IQSEC1: variants seen among roughly 807,000 people sequenced by gnomAD.
IQSEC1 encodes the protein IQ motif and SEC7 domain-containing protein 1.
A neutral mutation model predicts 91.0 loss-of-function variants in IQSEC1; 31 were observed. The ratio of observed to expected loss-of-function variants is 0.34; its 90% CI spans 0.26 to 0.46. The LOEUF (loss-of-function observed/expected upper bound fraction) is 0.46, where lower values mean the gene tolerates loss of function less well. Ranked by LOEUF, IQSEC1 falls within the 20% of genes least tolerant of loss-of-function variation. The pLI is 1.00. For missense variants in IQSEC1, 1,388 were observed against 1,575.6 expected (o/e 0.88, Z 2.02); for synonymous variants, 699 against 662.6 (o/e 1.05, Z -0.84).
rs1202815913 is a variant in IQSEC1 at position 12,908,664 on chromosome 3, G to C, written c.2579-139C>G. The stretch of plus-strand genomic sequence containing the variant: ...GGGAAGGGTTGTTTCTGGGAAAGAG[G>C]GTGTGATGGCCACCCTGGACAAAAG... On this transcript the variant is annotated intron_variant, in intron 11 of 13. Transcript: ENST00000613206. The surrounding 1 kb of genome is among the most constrained non-coding windows in gnomAD (Gnocchi z 4.9). 1 of 913,048 alleles carries C rather than the reference G, an allele frequency of 1.1e-6. No individual in the cohort carries two copies. The highest frequency in any genetic ancestry group is 1.6e-5 in the African/African-American group (1 of 60,924). 56.6% of individuals were successfully genotyped at this position (913,048 alleles called of 1,614,324 possible).
At chr3:13,246,577 A>G (rs73813522) in intron 1 of IQSEC1, among the ~76,000 whole-genome samples, 1,980 of 152,340 alleles carry the variant, frequency 0.013, 36 homozygotes, top group African/African-American at 0.045. Flanking sequence ...TGCAAAGGAA[A>G]TATAGCTACG....
chr3:13,108,027 A>G (rs1242893384), intron 2 of IQSEC1, among the ~76,000 whole-genome samples: 5 of 65,876 alleles, frequency 7.6e-5, no homozygotes, highest in African/African-American at 1.1e-4. Context: ...AAAAAATTAT[A>G]AAAAAGCATA....
intron 1 of IQSEC1, among the ~76,000 whole-genome samples, chr3:13,201,695 C>T (rs1694249893): frequency 6.6e-6 from 1 of 152,176 alleles, no homozygotes; most frequent in Admixed American, 6.5e-5. Context: ...ACAGGCATGG[C>T]CACAACAGCC....
chr3:13,042,670 C>A lies in IQSEC1; in HGVS notation c.23+30322G>T, dbSNP rs1324711003. Reference sequence around the variant, plus strand: ...GGGTCCCTGGGACACACCAAGGCAGCTCTGGCTGTATCAAGTTGTGGGGGC... The same window carrying A: ...GGGTCCCTGGGACACACCAAGGCAGATCTGGCTGTATCAAGTTGTGGGGGC... On this transcript the variant is annotated intron_variant, in intron 1 of 13. Transcript: ENST00000613206. 2.0e-5 allele frequency among the ~76,000 whole-genome samples: 3 copies of A among 152,220 alleles called. No individual in the cohort carries two copies. The East Asian group carries it at 5.8e-4, about 29-fold the overall frequency.
intron 1 of IQSEC1, among the ~76,000 whole-genome samples, chr3:13,249,860 C>A (rs531666231): frequency 6.6e-6 from 1 of 152,348 alleles, no homozygotes; most frequent in South Asian, 2.1e-4. Context: ...AGGCACTCAG[C>A]CATGTGAAGA....
chr3:12,954,316 C>G (rs959039494), intron 1 of IQSEC1, among the ~76,000 whole-genome samples: 2 of 152,200 alleles, frequency 1.3e-5, no homozygotes, highest in Non-Finnish European at 2.9e-5. Context: ...AGGGCAGCCC[C>G]TAGAACCTGG....
chr3:13,273,552 T>A (rs1695623566), intron 1 of IQSEC1, among the ~76,000 whole-genome samples: 1 of 152,114 alleles, frequency 6.6e-6, no homozygotes, highest in Non-Finnish European at 1.5e-5. Context: ...TGGCGATTGT[T>A]GGGGGAAAAG....
intron 1 of IQSEC1, among the ~76,000 whole-genome samples, chr3:13,277,722 C>A (rs1219924644): frequency 6.6e-6 from 1 of 152,188 alleles, no homozygotes; most frequent in Non-Finnish European, 1.5e-5. Context: ...CATTATTGAA[C>A]CAAAACATGA....
intron 1 of IQSEC1, among the ~76,000 whole-genome samples, chr3:13,167,390 G>T (rs1693517294): frequency 6.6e-6 from 1 of 152,188 alleles, no homozygotes; most frequent in Non-Finnish European, 1.5e-5. Context: ...GGAAGCTGAG[G>T]CTCAGTTTAC....
rs1447316355 is a variant in IQSEC1 at position 13,154,460 on chromosome 3, T to TACATATATATATATACACACAC, written c.302+9643_302+9644insGTGTGTGTATATATATATATGT. Among the ~76,000 whole-genome samples the TACATATATATATATACACACAC allele has an allele frequency of 1.3e-4, 8 of 59,424 alleles. 2 individuals are homozygous for TACATATATATATATACACACAC. The South Asian group carries it at 2.9e-3, about 21-fold the overall frequency. 39.0% of individuals were successfully genotyped at this position (59,424 alleles called of 152,430 possible). ...ATGCATATATATATATATATATATA[T>TACATATATATATATACACACAC]ATATATATATATATATGCAAAAACT... On this transcript the variant is annotated intron_variant, in intron 2 of 15. Coordinates refer to the IQSEC1 transcript ENST00000648114.
intron 2 of IQSEC1, among the ~76,000 whole-genome samples, chr3:13,095,104 C>T (rs1705931798): frequency 1.3e-5 from 2 of 151,922 alleles, no homozygotes; most frequent in African/African-American, 4.8e-5. Context: ...CAATGCTCCA[C>T]AAGTCAACCA....
At chr3:13,204,670 A>T (rs1380246938) in intron 1 of IQSEC1, among the ~76,000 whole-genome samples, 1 of 152,158 alleles carries the variant, frequency 6.6e-6, no homozygotes, top group Admixed American at 6.5e-5. Flanking sequence ...AGGCGCTCAG[A>T]AGGGGCGGCT....
intron 1 of IQSEC1, among the ~76,000 whole-genome samples, chr3:13,251,208 G>C (rs535381194): frequency 6.6e-6 from 1 of 152,238 alleles, no homozygotes; most frequent in East Asian, 1.9e-4. Flanking sequence ...CTTCCTTTAG[G>C]CCATTGCTTC....
At chr3:13,251,065 TC>T (rs1225888361) in intron 1 of IQSEC1, among the ~76,000 whole-genome samples, 1 of 152,004 alleles carries the variant, frequency 6.6e-6, no homozygotes, top group Non-Finnish European at 1.5e-5. Context: ...CTCCCCCGGC[TC>T]CCCCTCAGTC....
chr3:13,091,835 T>C (rs1394406712), intron 2 of IQSEC1, among the ~76,000 whole-genome samples: 1 of 152,032 alleles, frequency 6.6e-6, no homozygotes, highest in Admixed American at 6.5e-5. Context: ...CTTCAGGGGT[T>C]TTCCTAGGAA....
At chr3:13,009,886 C>T (rs952406751) in intron 1 of IQSEC1, among the ~76,000 whole-genome samples, 1 of 152,198 alleles carries the variant, frequency 6.6e-6, no homozygotes, top group Non-Finnish European at 1.5e-5. Context: ...CCAGCCTGTC[C>T]TCCATCCAAG....
intron 2 of IQSEC1, among the ~76,000 whole-genome samples, chr3:13,086,547 C>T (rs1001150509): frequency 3.3e-5 from 5 of 152,086 alleles, no homozygotes; most frequent in South Asian, 2.1e-4. Flanking sequence ...TGCGGTGTAT[C>T]GTGGTAAATG....
chr3:13,027,207 G>T (rs1056426536), intron 1 of IQSEC1, among the ~76,000 whole-genome samples: 1 of 152,154 alleles, frequency 6.6e-6, no homozygotes, highest in African/African-American at 2.4e-5. Flanking sequence ...GAGAGCGTTG[G>T]GTCTTGGAGG....
In IQSEC1 at chr3:12,922,680, A is replaced by G. The variant is rs1246407397; in HGVS notation, c.1731-438T>C. 1.3e-5 allele frequency among the ~76,000 whole-genome samples: 2 copies of G among 152,116 alleles called. No homozygotes were observed. Among genetic ancestry groups the G allele is most frequent in the Non-Finnish European group, 2.9e-5 (2 of 68,032 alleles). ...GGGCGCCCAGGGTGTTGACTTTCAGAATAAGCCTGTTCTCTTGTGGGGAGA... is the reference window on the plus strand; with the variant it reads ...GGGCGCCCAGGGTGTTGACTTTCAGGATAAGCCTGTTCTCTTGTGGGGAGA... On this transcript the variant is annotated intron_variant, in intron 4 of 13. Transcript: ENST00000613206. The surrounding 1 kb of genome is among the most constrained non-coding windows in gnomAD (Gnocchi z 5.1).
Sources: gnomAD v4.1 joint callset for allele counts (sites outside exome capture counted in the v4.1 genomes callset) on GRCh38, gnomAD v4.1.1 for gene constraint, Gnocchi (gnomAD v3.1) non-coding constraint, MANE v1.5 for transcripts, NCBI Gene and HGNC (gene_info 2026-07-23, HGNC 2026-07-21) for gene names.